Variants in IKBKB observed in about 807,000 individuals in gnomAD.
IKBKB encodes the protein inhibitor of nuclear factor kappa B kinase subunit beta, also known as inhibitor of nuclear factor kappa-B kinase subunit beta.
A neutral mutation model predicts 113.6 loss-of-function variants in IKBKB; 42 were observed. That is an observed-to-expected ratio of 0.37 (90% CI 0.29 to 0.48). IKBKB has a LOEUF of 0.48. Ranked by LOEUF, IKBKB falls within the 20% of genes least tolerant of loss-of-function variation. IKBKB has a pLI of 0.99. For missense variants in IKBKB, 673 were observed against 939.7 expected, an observed-to-expected ratio of 0.72 and a Z score of 3.71; for synonymous variants, 296 against 361.3, an observed-to-expected ratio of 0.82 and a Z score of 2.05.
chr8:42,324,858 G>T, intron 19 of IKBKB: 1 of 153,242 alleles, frequency 6.5e-6, no homozygotes, highest in Non-Finnish European at 1.5e-5. Flanking sequence ...TTCGGTCCAG[G>T]GCAGAAGCAC....
intron 4 of IKBKB, among the ~76,000 whole-genome samples, chr8:42,292,245 G>C (rs1349099991): frequency 6.6e-6 from 1 of 152,184 alleles, no homozygotes; most frequent in African/African-American, 2.4e-5. Context: ...AAGTAGGTGG[G>C]ATGTGGCCAG....
chr8:42,316,162 C>A lies in IKBKB; in HGVS notation c.801-48C>A. ...ATACTGGGAGACGCACACTGTAGCC[C>A]AACATTGGCTGGAAGTGTCTCCTCA... On this transcript the variant is annotated intron_variant, in intron 9 of 21. Coordinates refer to ENST00000520810, the MANE Select transcript of IKBKB (RefSeq NM_001556.3). The surrounding 1 kb of genome is among the most constrained non-coding windows in gnomAD (Gnocchi z 4.5). The A allele has an allele frequency of 1.2e-6, 2 of 1,605,900 alleles. No individual in the cohort carries two copies. The highest frequency in any genetic ancestry group is 2.2e-5 in the East Asian group (1 of 44,788).
intron 13 of IKBKB, 147 bp downstream of exon 13, chr8:42,318,822 T>G: frequency 1.3e-6 from 1 of 779,128 alleles, no homozygotes; most frequent in Non-Finnish European, 2.0e-6. Flanking sequence ...CGGGAAGCGG[T>G]TGGGTGGGCT....
At chr8:42,292,805 C>T (rs1398222679) in intron 4 of IKBKB, among the ~76,000 whole-genome samples, 2 of 152,218 alleles carry the variant, frequency 1.3e-5, no homozygotes. Context: ...CATTCCAGCA[C>T]TGCCCTCTCA....
chr8:42,316,991 T>A lies in IKBKB; in HGVS notation c.1125+87T>A, dbSNP rs1157400660. The A allele has an allele frequency of 3.1e-6, 4 of 1,275,310 alleles. No homozygotes were observed. The South Asian group carries it at 3.8e-5, about 12-fold the overall frequency. The allele number at this position is 1,275,310 out of a possible 1,614,324, so 79.0% of individuals were successfully genotyped here. On this transcript the variant is annotated intron_variant, in intron 11 of 21. Coordinates refer to ENST00000520810, the MANE Select transcript of IKBKB (RefSeq NM_001556.3). The surrounding 1 kb of genome is among the most constrained non-coding windows in gnomAD (Gnocchi z 4.5). ...ACACACTTTCAGATTTCAATTCTGC[T>A]TTGTCATGTAGTCTGTTAATCACAC...
intron 2 of IKBKB, among the ~76,000 whole-genome samples, chr8:42,278,431 T>C: frequency 6.6e-6 from 1 of 152,064 alleles, no homozygotes; most frequent in East Asian, 1.9e-4. Context: ...GCCCAAGCAG[T>C]GGGCAGCGTG....
chr8:42,318,742 G>C (rs540018875), intron 13 of IKBKB, 67 bp downstream of exon 13: 3 of 1,463,574 alleles, frequency 2.0e-6, no homozygotes, highest in Non-Finnish European at 2.8e-6. Flanking sequence ...TGGCCACAGG[G>C]AGGTGGTTGA....
At chr8:42,315,449 G>C (rs1818496444) in intron 9 of IKBKB, among the ~76,000 whole-genome samples, 1 of 152,124 alleles carries the variant, frequency 6.6e-6, no homozygotes, top group Non-Finnish European at 1.5e-5. Context: ...AGGCACGTTT[G>C]GGAGGTGGTG....
At position 42,305,225 on chromosome 8, in the gene IKBKB, C is replaced by A; in HGVS notation, c.427C>A (p.His143Asn). Reference sequence around the variant, plus strand: ...ATACCTTCATGAAAACAGAATCATCCATCGGGATCTAAAGCCAGAAAACAT... The same window carrying A: ...ATACCTTCATGAAAACAGAATCATCAATCGGGATCTAAAGCCAGAAAACAT... ...LRYLHENRII[H>N]RDLKPENIVL... The change falls in exon 6 of 22, where the codon CAT becomes AAT. Residue 143 changes from histidine to asparagine, a missense_variant. Physicochemically the swap from His to Asn is moderately conservative, Grantham distance 68. Coordinates refer to ENST00000520810, the MANE Select transcript of IKBKB (RefSeq NM_001556.3). The A allele has an allele frequency of 6.2e-7, 1 of 1,613,966 alleles. No homozygotes were observed. Among genetic ancestry groups the A allele is most frequent in the Non-Finnish European group, 8.5e-7 (1 of 1,179,866 alleles).
At chr8:42,282,075 G>T (rs752497329) in intron 2 of IKBKB, among the ~76,000 whole-genome samples, 2 of 152,188 alleles carry the variant, frequency 1.3e-5, no homozygotes, top group Non-Finnish European at 2.9e-5. Context: ...TGCATCAAAG[G>T]CAAGGAATTG....
At chr8:42,300,555 T>C (rs1814967266) in intron 5 of IKBKB, among the ~76,000 whole-genome samples, 1 of 152,202 alleles carries the variant, frequency 6.6e-6, no homozygotes, top group Admixed American at 6.5e-5. Context: ...GTTCCCCAGT[T>C]TGTGGTTTGT....
chr8:42,310,109 T>C (rs1817428018), intron 8 of IKBKB, among the ~76,000 whole-genome samples: 1 of 152,198 alleles, frequency 6.6e-6, no homozygotes, highest in Non-Finnish European at 1.5e-5. Context: ...AAAAGTTAAT[T>C]ATTACTGAAA....
Position 42,290,208 on chromosome 8 carries a change from A to G in IKBKB, c.253A>G (p.Asn85Asp). 1 of 1,613,894 alleles carries G rather than the reference A, an allele frequency of 6.2e-7. No individual in the cohort carries two copies. The highest frequency in any genetic ancestry group is 1.1e-5 in the South Asian group (1 of 90,982). Residue 85 changes from asparagine to aspartate, a missense_variant, in exon 4 of 22, where the codon AAC becomes GAC. Around this residue, in one of 2 missense-constraint regions of IKBKB, gnomAD observed 167 missense variants for 301.0 expected, o/e 0.55. Transcript: ENST00000520810. ...CCGAGATGTCCCTGAGGGGATGCAG[A>G]ACTTGGCGCCCAATGACCTGCCCCT... ...AARDVPEGMQ[N>D]LAPNDLPLLA...
intron 2 of IKBKB, among the ~76,000 whole-genome samples, chr8:42,283,299 TC>T (rs35638161): frequency 6.6e-6 from 1 of 151,796 alleles, no homozygotes; most frequent in Non-Finnish European, 1.5e-5. Flanking sequence ...GGTAGAATAA[TC>T]CCCCCCAACC....
At chr8:42,309,728 G>A (rs1419575201) in intron 8 of IKBKB, 1 of 150,402 alleles carries the variant, frequency 6.6e-6, no homozygotes, top group Non-Finnish European at 1.5e-5. Context: ...GTGAGACTCT[G>A]TCTCAAAACA....
intron 2 of IKBKB, among the ~76,000 whole-genome samples, chr8:42,282,724 G>A (rs1810623448): frequency 6.6e-6 from 1 of 152,202 alleles, no homozygotes; most frequent in Non-Finnish European, 1.5e-5. Flanking sequence ...GGTGATCGTA[G>A]CCTGCTTCTG....
Position 42,272,125 on chromosome 8 carries a change from A to G in IKBKB, c.25A>G (p.Thr9Ala). 2.5e-6 allele frequency: 4 copies of G among 1,614,180 alleles called. No individual in the cohort carries two copies. The highest frequency in any genetic ancestry group is 3.4e-6 in the Non-Finnish European group (4 of 1,180,030). MSWSPSLTTQTCGAWEMKE... is the reference protein window; with the variant it reads MSWSPSLTAQTCGAWEMKE... ...TATGAGCTGGTCACCTTCCCTGACA[A>G]CGCAGACATGTGGGGCCTGGGAAAT... is the stretch of plus-strand genomic sequence containing the variant. Residue 9 changes from threonine (T) to alanine (A), a missense_variant, in exon 2 of 22, where the codon ACG becomes GCG. Around this residue, in one of 2 missense-constraint regions of IKBKB, gnomAD observed 167 missense variants for 301.0 expected, o/e 0.55. Coordinates refer to ENST00000520810, the MANE Select transcript of IKBKB (RefSeq NM_001556.3).
At position 42,317,675 on chromosome 8, in the gene IKBKB, T is replaced by A; in HGVS notation, c.1144T>A (p.Leu382Met). 1 of 1,612,922 alleles carries A rather than the reference T, an allele frequency of 6.2e-7. No individual in the cohort carries two copies. The highest frequency in any genetic ancestry group is 8.5e-7 in the Non-Finnish European group (1 of 1,178,910). Residue 382 changes from leucine to methionine, a missense_variant, in exon 12 of 22, where the codon TTG (leucine) becomes ATG (methionine). Around this residue, in one of 2 missense-constraint regions of IKBKB, gnomAD observed 506 missense variants for 638.7 expected, o/e 0.79. Transcript: ENST00000520810. ...SDGKLNEGHT[L>M]DMDLVFLFDN... ...TTTGCAGTTAAATGAGGGCCACACA[T>A]TGGACATGGATCTTGTTTTTCTCTT...
In IKBKB at chr8:42,295,658, A is replaced by T. The variant is rs1813622202; in HGVS notation, c.388+2146A>T. On this transcript the variant is annotated intron_variant, in intron 5 of 21. Transcript: ENST00000520810. ...AAAACTGCTTGAACCCAGGAGGCGG[A>T]GAGGTTGCAGTAAGCCGAGATTGCA... 2.0e-5 allele frequency among the ~76,000 whole-genome samples: 3 copies of T among 152,014 alleles called. No individual in the cohort carries two copies. In the South Asian group the frequency reaches 6.2e-4, roughly 32 times the overall value.
Sources: allele counts gnomAD v4.1 joint callset (sites outside exome capture counted in the v4.1 genomes callset), GRCh38; gene constraint gnomAD v4.1.1; regional missense constraint gnomAD v4.1.1; non-coding constraint Gnocchi (gnomAD v3.1); transcripts MANE v1.5; gene names NCBI Gene and HGNC (gene_info 2026-07-23, HGNC 2026-07-21).